Variants in TRAF3IP1 observed in about 807,000 individuals in gnomAD.
The protein encoded by TRAF3IP1 is TRAF3-interacting protein 1.
A neutral mutation model predicts 89.9 loss-of-function variants in TRAF3IP1; 53 were observed. The ratio of observed to expected loss-of-function variants is 0.59; its 90% CI spans 0.47 to 0.74. TRAF3IP1 has a LOEUF of 0.74. Among genes scored for constraint, TRAF3IP1 ranks in the 30% least tolerant of loss-of-function variants. The pLI is 0.00. For missense variants in TRAF3IP1, 806 were observed against 866.1 expected (o/e 0.93, Z 0.87); for synonymous variants, 311 against 322.1 (o/e 0.97, Z 0.37).
At chr2:238,324,508 C>T (rs919194794) in intron 1 of TRAF3IP1, among the ~76,000 whole-genome samples, 24 of 152,304 alleles carry the variant, frequency 1.6e-4, no homozygotes, top group African/African-American at 4.8e-4. Flanking sequence ...CACCAGGCCC[C>T]GAGTGTCTCT....
chr2:238,333,314 G>A (rs1364996051), intron 6 of TRAF3IP1, among the ~76,000 whole-genome samples: 2 of 152,160 alleles, frequency 1.3e-5, no homozygotes, highest in Non-Finnish European at 2.9e-5. Context: ...GCATTTCCTG[G>A]GGCTGGGTAT....
rs67796878 is a variant in TRAF3IP1, at chr2:238,351,440, C to T, written c.1452-1387C>T. ...AAATTACTGACCTTCCCTCTGGGCC[C>T]GTGACAAGAGGCCGGTGGGAGGAGC... On this transcript the variant is annotated intron_variant, in intron 12 of 16. Transcript: ENST00000373327. This position sits in a 1 kb window ranked among gnomAD's most constrained non-coding sequence, Gnocchi z 5.2. Among the ~76,000 whole-genome samples the T allele has an allele frequency of 0.12, 17,765 of 151,922 alleles. 1,766 individuals carry two copies. Among genetic ancestry groups the T allele is most frequent in the African/African-American group, 0.27 (11,114 of 41,374 alleles).
At chr2:238,328,296 G>A (rs943345649) in intron 3 of TRAF3IP1, among the ~76,000 whole-genome samples, 1 of 152,130 alleles carries the variant, frequency 6.6e-6, no homozygotes, top group Admixed American at 6.5e-5. Context: ...ATGGGTGTGA[G>A]GTGGTTAGAT....
intron 8 of TRAF3IP1, among the ~76,000 whole-genome samples, chr2:238,340,833 GTA>G (rs1553612058): frequency 5.4e-4 from 38 of 70,932 alleles, no homozygotes; most frequent in East Asian, 1.1e-3. Context: ...GTGTGTGTGT[GTA>G]TATATATATA....
intron 15 of TRAF3IP1, 113 bp downstream of exon 15, chr2:238,356,193 T>G (rs555320025): frequency 1.1e-6 from 1 of 917,024 alleles, no homozygotes; most frequent in South Asian, 1.5e-5. Context: ...GATGTCTGTT[T>G]GCATATTTAA....
At chr2:238,344,187 TGGA>T (rs894046373) in intron 8 of TRAF3IP1, among the ~76,000 whole-genome samples, 5 of 151,934 alleles carry the variant, frequency 3.3e-5, no homozygotes, top group African/African-American at 1.2e-4. Context: ...GGGAGGTGAG[TGGA>T]GACTGGCAGT....
intron 15 of TRAF3IP1, among the ~76,000 whole-genome samples, chr2:238,395,096 T>C (rs1701152039): frequency 6.6e-6 from 1 of 152,166 alleles, no homozygotes; most frequent in South Asian, 2.1e-4. Flanking sequence ...CAGGGCATGA[T>C]GGCTTACATC....
intron 15 of TRAF3IP1, among the ~76,000 whole-genome samples, chr2:238,381,141 A>ATT (rs148374609): frequency 6.2e-4 from 82 of 133,124 alleles, no homozygotes; most frequent in East Asian, 1.8e-3. Flanking sequence ...TTATTTATTT[A>ATT]TTTTTTTTTT....
intron 15 of TRAF3IP1, among the ~76,000 whole-genome samples, chr2:238,371,108 T>A (rs894799462): frequency 6.6e-6 from 1 of 152,232 alleles, no homozygotes; most frequent in African/African-American, 2.4e-5. Context: ...AGCTTTCTGA[T>A]CTCAGTTAAT....
intron 15 of TRAF3IP1, among the ~76,000 whole-genome samples, chr2:238,397,112 A>C (rs1701260621): frequency 6.6e-6 from 1 of 152,196 alleles, no homozygotes; most frequent in South Asian, 2.1e-4. Flanking sequence ...AAGCTCTTGT[A>C]ACAATAGCTA....
At chr2:238,340,782 G>A (rs929748522) in intron 8 of TRAF3IP1, among the ~76,000 whole-genome samples, 7 of 119,432 alleles carry the variant, frequency 5.9e-5, no homozygotes, top group African/African-American at 1.4e-4. Flanking sequence ...CTAGTTTTAC[G>A]TTTGCCATTT....
chr2:238,344,597 AG>A lies in TRAF3IP1; in HGVS notation c.1261+1del. 1 of 1,613,782 alleles carries A rather than the reference AG, an allele frequency of 6.2e-7. No homozygotes were observed. On this transcript the variant is annotated frameshift_variant and splice_region_variant, in exon 9 of 17. Coordinates refer to ENST00000373327, the MANE Select transcript of TRAF3IP1 (RefSeq NM_015650.4). LOFTEE classifies it high-confidence loss of function. ...IQPNPTEKQK[G>X]DSTSDAEGDA... is the part of the protein sequence containing the mutation. ...AGCCCAACCCCACAGAGAAGCAGAA[AG>A]GTAAGAATGGTCCAGTTTCGCCCTT... is the stretch of plus-strand genomic sequence containing the variant.
intron 5 of TRAF3IP1, among the ~76,000 whole-genome samples, chr2:238,330,056 G>A (rs1698044521): frequency 6.6e-6 from 1 of 152,158 alleles, no homozygotes; most frequent in Admixed American, 6.5e-5. Context: ...CTTCTCCCGT[G>A]CGTGTCGTTT....
chr2:238,358,113 A>ATTTTT (rs11295600), intron 15 of TRAF3IP1, among the ~76,000 whole-genome samples: 1 of 143,262 alleles, frequency 7.0e-6, no homozygotes, highest in Non-Finnish European at 1.5e-5. Context: ...TTTTTGTTAC[A>ATTTTT]TTTTTTTTTT....
intron 15 of TRAF3IP1, among the ~76,000 whole-genome samples, chr2:238,364,810 T>G (rs1238602911): frequency 6.6e-6 from 1 of 152,240 alleles, no homozygotes; most frequent in Non-Finnish European, 1.5e-5. Context: ...CGTGCCTTGT[T>G]CTGGGACTGC....
chr2:238,332,490 T>A (rs948665934), intron 5 of TRAF3IP1, among the ~76,000 whole-genome samples: 3 of 152,214 alleles, frequency 2.0e-5, no homozygotes, highest in African/African-American at 7.2e-5. Context: ...CACTTCCAGA[T>A]CCCTGGGTTT....
intron 15 of TRAF3IP1, among the ~76,000 whole-genome samples, chr2:238,375,303 G>A (rs1020335605): frequency 7.9e-5 from 12 of 152,218 alleles, no homozygotes; most frequent in African/African-American, 2.4e-4. Flanking sequence ...TGCTTTAAAT[G>A]TGTCCCAGAG....
rs1574880846 is a variant in TRAF3IP1 at position 238,320,782 on chromosome 2, G to A, written c.120G>A (p.Thr40=). 1 of 1,416,504 alleles carries A rather than the reference G, an allele frequency of 7.1e-7. No homozygotes were observed. Among genetic ancestry groups the A allele is most frequent in the Admixed American group, 2.5e-5 (1 of 40,038 alleles). The allele number at this position is 1,416,504 out of a possible 1,614,324, so 87.7% of individuals were successfully genotyped here. A position where few individuals can be genotyped will look rare whatever the true frequency, so the allele number is the denominator to read the frequency against. Reference sequence around the variant, plus strand: ...TCCGCTACCTGCACGACATCATCACGGAGGTGGGCGCCGGGGACCGGGCCC... The same window carrying A: ...TCCGCTACCTGCACGACATCATCACAGAGGTGGGCGCCGGGGACCGGGCCC... ...PPFRYLHDII[T]EVIRMTGFMK... Residue 40 remains threonine (T), a synonymous_variant, in exon 1 of 17, where the codon ACG becomes ACA. Transcript: ENST00000373327.
At chr2:238,361,562 A>G (rs4663883) in intron 15 of TRAF3IP1, among the ~76,000 whole-genome samples, 110,412 of 151,818 alleles carry the variant, frequency 0.73, 40,387 homozygotes, top group Middle Eastern at 0.79. Context: ...GTAGCCAGCC[A>G]AGGCTTCCTT....
Sources: allele counts gnomAD v4.1 joint callset (sites outside exome capture counted in the v4.1 genomes callset), GRCh38; gene constraint gnomAD v4.1.1; non-coding constraint Gnocchi (gnomAD v3.1); transcripts MANE v1.5; gene names NCBI Gene and HGNC (gene_info 2026-07-23, HGNC 2026-07-21).